Variants in KCMF1 observed in about 807,000 individuals in gnomAD.
KCMF1 encodes the protein E3 ubiquitin-protein ligase KCMF1.
A neutral mutation model predicts 41.1 loss-of-function variants in KCMF1; 3 were observed. The observed-to-expected ratio is 0.07, with a 90% confidence interval of 0.03 to 0.19. The LOEUF (loss-of-function observed/expected upper bound fraction) is 0.19, where lower values mean the gene tolerates loss of function less well. KCMF1 is among the 10% of genes least tolerant of loss of function. The pLI, the probability that KCMF1 is intolerant of heterozygous loss-of-function variation, is 1.00. For missense variants in KCMF1, 286 were observed against 488.9 expected (o/e 0.58, Z 3.91); for synonymous variants, 142 against 164.5 (o/e 0.86, Z 1.04).
intron 1 of KCMF1, among the ~76,000 whole-genome samples, chr2:85,022,156 A>G (rs1674962278): frequency 6.6e-6 from 1 of 151,394 alleles, no homozygotes; most frequent in Non-Finnish European, 1.5e-5. Context: ...ATAAAAACAT[A>G]TTCATTCAAC....
At chr2:84,977,202 G>A (rs1673570878) in intron 1 of KCMF1, among the ~76,000 whole-genome samples, 1 of 152,054 alleles carries the variant, frequency 6.6e-6, no homozygotes, top group African/African-American at 2.4e-5. Context: ...CTCAAAAAAT[G>A]TTATCTGCCA....
chr2:85,049,737 T>C, intron 6 of KCMF1, 89 bp downstream of exon 6: 3 of 1,108,344 alleles, frequency 2.7e-6, no homozygotes, highest in Non-Finnish European at 3.8e-6. Context: ...TTGTGCATTA[T>C]ATTTCTTTAA....
intron 3 of KCMF1, among the ~76,000 whole-genome samples, chr2:85,037,929 G>A (rs1014269029): frequency 3.3e-5 from 5 of 152,222 alleles, no homozygotes; most frequent in African/African-American, 1.2e-4. Flanking sequence ...TCTCACAGGA[G>A]CGCAATCCCT....
Position 84,974,691 on chromosome 2 carries a change from A to AT in KCMF1, c.16+3256dup, listed in dbSNP as rs869056943. On this transcript the variant is annotated intron_variant, in intron 1 of 6. Transcript: ENST00000409785. ...TATATATATATATATATATATATAT[A>AT]TTTTTTTTTTTTTTTTTTTTTTTTT... is the stretch of plus-strand genomic sequence containing the variant. Among the ~76,000 whole-genome samples, 142 of 14,696 alleles carry AT rather than the reference A, an allele frequency of 9.7e-3. 34 individuals carry two copies. Among genetic ancestry groups the AT allele is most frequent in the Admixed American group, 0.014 (8 of 554 alleles). The allele number at this position is 14,696 out of a possible 152,430, so 9.6% of individuals were successfully genotyped here.
At chr2:85,000,997 T>G (rs1471344377) in intron 1 of KCMF1, among the ~76,000 whole-genome samples, 4 of 151,132 alleles carry the variant, frequency 2.6e-5, no homozygotes, top group African/African-American at 9.7e-5. Flanking sequence ...TTTTTCTTTT[T>G]TGTCTTTTTT....
At chr2:85,027,842 G>C (rs1381247094) in intron 1 of KCMF1, 47 bp from the exon 2 acceptor site, 1 of 1,184,624 alleles carries the variant, frequency 8.4e-7, no homozygotes, top group East Asian at 2.4e-5. Flanking sequence ...ATGAAATCAA[G>C]AGTGGCCTTT....
At chr2:85,008,305 A>C (rs796198811) in intron 1 of KCMF1, among the ~76,000 whole-genome samples, 885 of 8,968 alleles carry the variant, frequency 0.099, 33 homozygotes, top group African/African-American at 0.21. Flanking sequence ...TATAATATAT[A>C]ATATGATATA....
chr2:85,049,700 C>T (rs760412904), intron 6 of KCMF1, 52 bp downstream of exon 6: 349 of 1,399,316 alleles, frequency 2.5e-4, no homozygotes, highest in Non-Finnish European at 3.2e-4. Flanking sequence ...TTTATTGCCA[C>T]TACAGTCTGG....
At chr2:85,006,978 T>C (rs896732746) in intron 1 of KCMF1, among the ~76,000 whole-genome samples, 1 of 150,802 alleles carries the variant, frequency 6.6e-6, no homozygotes, top group African/African-American at 2.4e-5. Flanking sequence ...CACATGCCTG[T>C]AATCCCAGCC....
At chr2:84,990,556 C>G (rs1278878110) in intron 1 of KCMF1, among the ~76,000 whole-genome samples, 2 of 151,958 alleles carry the variant, frequency 1.3e-5, no homozygotes, top group Non-Finnish European at 2.9e-5. Flanking sequence ...CTCCTGTAAT[C>G]TCAATACTTT....
intron 2 of KCMF1, among the ~76,000 whole-genome samples, chr2:85,030,248 T>G (rs192055995): frequency 2.8e-4 from 42 of 152,318 alleles, no homozygotes; most frequent in South Asian, 8.3e-4. Context: ...TTTTTTTATC[T>G]GATAGATGAT....
rs553156220 is a variant in KCMF1, at chr2:84,973,466, C to T, written c.16+1999C>T. Among the ~76,000 whole-genome samples, 6 of 152,256 alleles carry T rather than the reference C, an allele frequency of 3.9e-5. No individual in the cohort carries two copies. In the East Asian group the frequency reaches 1.2e-3, roughly 29 times the overall value. On this transcript the variant is annotated intron_variant, in intron 1 of 6. Transcript: ENST00000409785. The stretch of plus-strand genomic sequence containing the variant: ...TCAGCACACTAGTAGCACACCTTTC[C>T]TAGTAACTTATGTTAATGTCAGTAA...
At chr2:85,002,579 A>G (rs1238351664) in intron 1 of KCMF1, among the ~76,000 whole-genome samples, 1 of 151,912 alleles carries the variant, frequency 6.6e-6, no homozygotes, top group Non-Finnish European at 1.5e-5. Flanking sequence ...CATTATTACT[A>G]ATAAAGCTCC....
In KCMF1 at chr2:85,059,358, A is replaced by G. The variant is rs1468543892; in HGVS notation, c.*5949A>G. On this transcript the variant is annotated 3_prime_UTR_variant, in exon 7 of 7. Coordinates refer to ENST00000409785, the MANE Select transcript of KCMF1 (RefSeq NM_020122.5). ...TACTTTAGAATAAATTGCATATTGT[A>G]TCAGGCTCCGAGACTAATTTGTACT... The G allele has an allele frequency of 1.3e-5, 2 of 152,236 alleles. No individual in the cohort carries two copies. The highest frequency in any genetic ancestry group is 1.3e-4 in the Admixed American group (2 of 15,282). 9.4% of individuals were successfully genotyped at this position (152,236 alleles called of 1,614,324 possible).
chr2:84,974,692 T>TATATATATA (rs1491555128), intron 1 of KCMF1, among the ~76,000 whole-genome samples: 2 of 17,224 alleles, frequency 1.2e-4, no homozygotes, highest in African/African-American at 4.4e-4. Flanking sequence ...TATATATATA[T>TATATATATA]TTTTTTTTTT....
chr2:84,981,403 A>G (rs995479395), intron 1 of KCMF1, among the ~76,000 whole-genome samples: 2 of 151,834 alleles, frequency 1.3e-5, no homozygotes, highest in African/African-American at 2.4e-5. Flanking sequence ...GTTAGCCAGG[A>G]TGGTCTCGAT....
At chr2:85,035,911 G>A (rs1675391372) in intron 3 of KCMF1, among the ~76,000 whole-genome samples, 1 of 152,140 alleles carries the variant, frequency 6.6e-6, no homozygotes. Context: ...CACAGTAATT[G>A]CATATTGCAT....
intron 1 of KCMF1, among the ~76,000 whole-genome samples, chr2:84,997,401 T>C (rs931229857): frequency 1.2e-4 from 18 of 152,356 alleles, no homozygotes; most frequent in Non-Finnish European, 2.4e-4. Context: ...GATTTCATCA[T>C]ATCTAAAAAG....
chr2:85,030,119 G>T (rs940450705), intron 2 of KCMF1, among the ~76,000 whole-genome samples: 1 of 151,960 alleles, frequency 6.6e-6, no homozygotes, highest in Non-Finnish European at 1.5e-5. Flanking sequence ...ATCTTTTCTT[G>T]TGCTTATGGG....
Sources: gnomAD v4.1 joint callset for allele counts (sites outside exome capture counted in the v4.1 genomes callset) on GRCh38, gnomAD v4.1.1 for gene constraint, MANE v1.5 for transcripts, NCBI Gene and HGNC (gene_info 2026-07-23, HGNC 2026-07-21) for gene names.